ABHD17B: variants seen among roughly 807,000 people sequenced by gnomAD.
ABHD17B encodes alpha/beta hydrolase domain-containing protein 17B.
A neutral mutation model predicts 26.2 loss-of-function variants in ABHD17B; 9 were observed. The observed-to-expected ratio is 0.34, with a 90% confidence interval of 0.21 to 0.60. ABHD17B has a LOEUF of 0.60. ABHD17B is among the 20% of genes least tolerant of loss of function. The pLI is 0.80. For synonymous variants in ABHD17B, 127 were observed against 122.3 expected, an observed-to-expected ratio of 1.04 and a Z score of -0.25; for missense variants, 224 against 352.1, an observed-to-expected ratio of 0.64 and a Z score of 2.91.
chr9:71,893,372 G>C (rs1589226284), intron 1 of ABHD17B, among the ~76,000 whole-genome samples: 1 of 152,110 alleles, frequency 6.6e-6, no homozygotes, highest in Non-Finnish European at 1.5e-5. Context: ...TGACTAACTG[G>C]CTATAAATTG....
chr9:71,901,196 G>A (rs971163971), intron 1 of ABHD17B, among the ~76,000 whole-genome samples: 3 of 151,638 alleles, frequency 2.0e-5, no homozygotes, highest in African/African-American at 7.3e-5. Context: ...GCATGTATCT[G>A]TATCTAGATT....
intron 1 of ABHD17B, among the ~76,000 whole-genome samples, chr9:71,886,145 T>C (rs892253778): frequency 6.6e-6 from 1 of 152,222 alleles, no homozygotes; most frequent in Non-Finnish European, 1.5e-5. Context: ...CTGTGTAATC[T>C]GTAGTAGTAT....
At chr9:71,890,528 A>C (rs2132177496) in intron 1 of ABHD17B, among the ~76,000 whole-genome samples, 2 of 152,320 alleles carry the variant, frequency 1.3e-5, no homozygotes, top group South Asian at 4.1e-4. Flanking sequence ...CAATTTATTA[A>C]GTTTTTATCT....
In ABHD17B at chr9:71,866,819, G is replaced by C; in HGVS notation, c.835C>G (p.Gln279Glu). 1 of 1,614,140 alleles carries C rather than the reference G, an allele frequency of 6.2e-7. No homozygotes were observed. Among genetic ancestry groups the C allele is most frequent in the East Asian group, 2.2e-5 (1 of 44,884 alleles). ...LYGQYLERLK[Q>E]FVSQELVNL ...TTTACCAGTTCCTGTGACACAAACT[G>C]TTTCAACCTTTCAAGATACTGTCCA... Residue 279 changes from glutamine (Q) to glutamate (E), a missense_variant, in exon 4 of 4, where the codon CAG (glutamine) becomes GAG (glutamate). Physicochemically the swap from Gln to Glu is conservative, Grantham distance 29 (BLOSUM62 2). Coordinates refer to ENST00000333421, the MANE Select transcript of ABHD17B (RefSeq NM_001025780.3).
intron 1 of ABHD17B, among the ~76,000 whole-genome samples, chr9:71,899,127 A>G (rs910409342): frequency 6.6e-5 from 10 of 152,156 alleles, no homozygotes; most frequent in African/African-American, 1.9e-4. Flanking sequence ...CTCAGGGAAA[A>G]AAAAAAAAAA....
At chr9:71,867,569 A>C (rs576101519) in intron 3 of ABHD17B, among the ~76,000 whole-genome samples, 1 of 152,332 alleles carries the variant, frequency 6.6e-6, no homozygotes, top group East Asian at 1.9e-4. Flanking sequence ...TAGATGGTAA[A>C]GTGATGAACG....
intron 1 of ABHD17B, among the ~76,000 whole-genome samples, chr9:71,891,677 C>T (rs925965634): frequency 2.6e-5 from 4 of 152,112 alleles, no homozygotes; most frequent in South Asian, 4.1e-4. Context: ...CCTGTAACTG[C>T]TAGAATAAAG....
chr9:71,904,622 T>A (rs1589233465), intron 1 of ABHD17B, among the ~76,000 whole-genome samples: 2 of 152,110 alleles, frequency 1.3e-5, no homozygotes, highest in Non-Finnish European at 2.9e-5. Flanking sequence ...TATTTAAGAG[T>A]GTCTACTCAC....
At chr9:71,892,654 G>A (rs932948354) in intron 1 of ABHD17B, among the ~76,000 whole-genome samples, 3 of 145,354 alleles carry the variant, frequency 2.1e-5, no homozygotes, top group African/African-American at 8.1e-5. Flanking sequence ...AATTAATTTG[G>A]GGGGGGGAAG....
intron 1 of ABHD17B, among the ~76,000 whole-genome samples, chr9:71,881,429 A>G (rs1826437652): frequency 6.6e-6 from 1 of 152,244 alleles, no homozygotes; most frequent in Non-Finnish European, 1.5e-5. Context: ...TTGGGTTATA[A>G]AATGTTTCCT....
At chr9:71,903,187 C>CTT (rs879863203) in intron 1 of ABHD17B, among the ~76,000 whole-genome samples, 4 of 148,166 alleles carry the variant, frequency 2.7e-5, no homozygotes, top group African/African-American at 9.9e-5. Flanking sequence ...TATTGTCATC[C>CTT]TTTTTTTTTT....
chr9:71,895,496 G>A (rs1826927663), intron 1 of ABHD17B, among the ~76,000 whole-genome samples: 1 of 152,122 alleles, frequency 6.6e-6, no homozygotes, highest in African/African-American at 2.4e-5. Context: ...AGATTCTTCT[G>A]CCTTCTGTAG....
chr9:71,892,143 T>G (rs2132181127), intron 1 of ABHD17B, among the ~76,000 whole-genome samples: 1 of 152,324 alleles, frequency 6.6e-6, no homozygotes, highest in East Asian at 1.9e-4. Context: ...GATGTTCTCA[T>G]AAGCTTCAGA....
intron 1 of ABHD17B, among the ~76,000 whole-genome samples, chr9:71,882,266 C>T (rs1427754801): frequency 6.6e-6 from 1 of 152,210 alleles, no homozygotes; most frequent in Non-Finnish European, 1.5e-5. Context: ...AAGCAAAACC[C>T]ATGTCCACAC....
At chr9:71,864,594 TC>T (rs893898084), downstream of ABHD17B, among the ~76,000 whole-genome samples, 20 of 152,068 alleles carry the variant, frequency 1.3e-4, no homozygotes, top group Non-Finnish European at 2.5e-4. Flanking sequence ...TAGGAATGCT[TC>T]CCCTGGGTCA....
intron 2 of ABHD17B, among the ~76,000 whole-genome samples, chr9:71,871,151 A>G (rs1047847383): frequency 2.0e-5 from 3 of 152,216 alleles, no homozygotes; most frequent in Admixed American, 6.5e-5. Flanking sequence ...TAGAAGGCAG[A>G]CAGCAGTCAC....
In ABHD17B at chr9:71,911,017, TTC is replaced by T. The variant is rs987495927; in HGVS notation, c.-389_-388del. The T allele has an allele frequency of 2.6e-5, 4 of 154,230 alleles. No individual in the cohort carries two copies. Among genetic ancestry groups the T allele is most frequent in the Non-Finnish European group, 5.8e-5 (4 of 69,088 alleles). 9.6% of individuals were successfully genotyped at this position (154,230 alleles called of 1,614,324 possible). On this transcript the variant is annotated 5_prime_UTR_variant, in exon 1 of 4. Transcript: ENST00000333421. ...CAGCCGCCGCCGCCACCGCCTCCCT[TTC>T]TGGCACTGCAGACGCCACCCAGACC...
In ABHD17B at chr9:71,870,270, G is replaced by A; in HGVS notation, c.468-8C>T. 1 of 1,557,696 alleles carries A rather than the reference G, an allele frequency of 6.4e-7. No homozygotes were observed. Among genetic ancestry groups the A allele is most frequent in the Middle Eastern group, 1.7e-4 (1 of 5,802 alleles). On this transcript the variant is annotated splice_polypyrimidine_tract_variant and splice_region_variant and intron_variant, in intron 2 of 3. Transcript: ENST00000333421. ...TCAGGGCGAATGCCATATCTACAAA[G>A]TTCAGGCGTTAAAAACAAAAACCAA...
intron 1 of ABHD17B, among the ~76,000 whole-genome samples, chr9:71,897,290 G>A (rs909849246): frequency 6.7e-6 from 1 of 149,222 alleles, no homozygotes; most frequent in Non-Finnish European, 1.5e-5. Flanking sequence ...CAGCACTTTG[G>A]GAGGCCAAGG....
Sources: allele counts gnomAD v4.1 joint callset (sites outside exome capture counted in the v4.1 genomes callset), GRCh38; gene constraint gnomAD v4.1.1; transcripts MANE v1.5; gene names NCBI Gene and HGNC (gene_info 2026-07-23, HGNC 2026-07-21).